TYW1: variants seen among roughly 807,000 people sequenced by gnomAD.
TYW1 encodes the protein tRNA-yW synthesizing protein 1 homolog.
Under a neutral mutation model 96.2 loss-of-function variants are expected in TYW1, and 46 were observed. The ratio of observed to expected loss-of-function variants is 0.48; its 90% CI spans 0.38 to 0.61. The LOEUF (loss-of-function observed/expected upper bound fraction) is 0.61. Ranked by LOEUF, TYW1 falls within the 20% of genes least tolerant of loss-of-function variation. The pLI is 0.00. For synonymous variants in TYW1, 274 were observed against 323.0 expected (o/e 0.85, Z 1.63); for missense variants, 684 against 909.6 (o/e 0.75, Z 3.19).
In TYW1 at chr7:66,998,060, T is replaced by C; in HGVS notation, c.5-5T>C. On this transcript the variant is annotated splice_polypyrimidine_tract_variant and splice_region_variant and intron_variant, in intron 1 of 15. Transcript: ENST00000359626. ...ATGAAATTGTGTGTGTCATTTTAAA[T>C]TTAGATCCTTCTGCGGATACATGGG... 1 of 1,580,822 alleles carries C rather than the reference T, an allele frequency of 6.3e-7. No homozygotes were observed. Among genetic ancestry groups the C allele is most frequent in the Non-Finnish European group, 8.6e-7 (1 of 1,169,444 alleles).
At chr7:67,192,131 A>C (rs1390127301) in intron 14 of TYW1, among the ~76,000 whole-genome samples, 1 of 152,002 alleles carries the variant, frequency 6.6e-6, no homozygotes, top group African/African-American at 2.4e-5. Context: ...CCTGACCTCA[A>C]GTGATCTGCC....
chr7:67,226,535 G>A (rs578118068), intron 15 of TYW1, among the ~76,000 whole-genome samples: 2 of 152,202 alleles, frequency 1.3e-5, no homozygotes, highest in Admixed American at 1.3e-4. Context: ...TGTCATCTCT[G>A]ACCAATCAGC....
At chr7:67,091,474 T>C (rs1334532137) in intron 11 of TYW1, among the ~76,000 whole-genome samples, 6 of 151,758 alleles carry the variant, frequency 4.0e-5, no homozygotes, top group African/African-American at 9.7e-5. Flanking sequence ...AATGACGAGT[T>C]AACGGGTACA....
Position 67,014,488 on chromosome 7 carries a change from A to G in TYW1, c.497A>G (p.Lys166Arg). The stretch of plus-strand genomic sequence containing the variant: ...GCATCCATTGATTTTCGATTTGGCA[A>G]AACTTACCTGAAGGGTATGAGATAT... ...EEASIDFRFG[K>R]TYLKGMRYAV... Residue 166 changes from lysine to arginine, a missense_variant, in exon 5 of 16, where the codon AAA becomes AGA. Lys to Arg is a conservative substitution (Grantham distance 26, BLOSUM62 2). Transcript: ENST00000359626. The G allele has an allele frequency of 1.9e-6, 3 of 1,613,946 alleles. No individual in the cohort carries two copies. Among genetic ancestry groups the G allele is most frequent in the Non-Finnish European group, 1.7e-6 (2 of 1,179,852 alleles).
At chr7:67,165,421 T>A in intron 13 of TYW1, among the ~76,000 whole-genome samples, 1 of 151,128 alleles carries the variant, frequency 6.6e-6, no homozygotes, top group African/African-American at 2.4e-5. Flanking sequence ...TTTAAACTTT[T>A]AATTGTGGAT....
chr7:67,117,581 A>G lies in TYW1; in HGVS notation c.1661A>G (p.Gln554Arg). The change falls in exon 13 of 16, where the codon CAG (glutamine) becomes CGG (arginine). Residue 554 changes from glutamine (Q) to arginine (R), a missense_variant. Coordinates refer to ENST00000359626, the MANE Select transcript of TYW1 (RefSeq NM_018264.4). ...CGCCCACTCTTCAAGGATTTCTGGCAGAGATTCCTTGACAGTTTAAAAGCC... is the reference window on the plus strand; with the variant it reads ...CGCCCACTCTTCAAGGATTTCTGGCGGAGATTCCTTGACAGTTTAAAAGCC... ...IDRPLFKDFWQRFLDSLKALA... is the reference protein window; with the variant it reads ...IDRPLFKDFWRRFLDSLKALA... 1 of 1,614,066 alleles carries G rather than the reference A, an allele frequency of 6.2e-7. No homozygotes were observed. Among genetic ancestry groups the G allele is most frequent in the East Asian group, 2.2e-5 (1 of 44,874 alleles).
At chr7:67,052,248 AC>A in intron 8 of TYW1, among the ~76,000 whole-genome samples, 1 of 152,014 alleles carries the variant, frequency 6.6e-6, no homozygotes, top group South Asian at 2.1e-4. Flanking sequence ...TCTCCTCCCC[AC>A]CCACCCACTT....
chr7:67,184,633 TTTTATTTTATTTTATTTATGTTATG>T (rs1409788423), intron 14 of TYW1, among the ~76,000 whole-genome samples: 1,685 of 78,398 alleles, frequency 0.021, 25 homozygotes, highest in Middle Eastern at 0.032. Context: ...TTTTATTTTA[TTTTATTTTATTTTATTTATGTTATG>T]TTATGTTATG....
chr7:67,081,900 T>A (rs1168800912), intron 10 of TYW1, among the ~76,000 whole-genome samples: 1 of 147,056 alleles, frequency 6.8e-6, no homozygotes, highest in Non-Finnish European at 1.5e-5. Flanking sequence ...TGATCTAGTA[T>A]GTTGTTGAAA....
chr7:67,062,847 T>C (rs1362129495), intron 9 of TYW1, among the ~76,000 whole-genome samples: 2 of 152,222 alleles, frequency 1.3e-5, no homozygotes, highest in African/African-American at 4.8e-5. Flanking sequence ...TCAATGGTTT[T>C]CCTGAAGAAT....
intron 11 of TYW1, chr7:67,089,507 G>T (rs1383790218): frequency 3.5e-6 from 3 of 862,384 alleles, no homozygotes; most frequent in African/African-American, 1.7e-5. Flanking sequence ...GGCTTGGAGA[G>T]TCCTTTGCTT....
At chr7:67,064,263 A>C (rs1025317765) in intron 9 of TYW1, among the ~76,000 whole-genome samples, 8 of 152,220 alleles carry the variant, frequency 5.3e-5, no homozygotes, top group Admixed American at 2.6e-4. Context: ...GAAGACAGAA[A>C]TGGGAAGAAT....
intron 7 of TYW1, among the ~76,000 whole-genome samples, chr7:67,047,843 A>G (rs1331509083): frequency 7.5e-6 from 1 of 133,810 alleles, no homozygotes; most frequent in African/African-American, 2.8e-5. Context: ...GCTGGAGTGC[A>G]GTGGCACAGT....
chr7:67,154,738 G>A (rs1798911807), intron 13 of TYW1, among the ~76,000 whole-genome samples: 1 of 152,086 alleles, frequency 6.6e-6, no homozygotes, highest in Non-Finnish European at 1.5e-5. Context: ...AAGACTTGGA[G>A]AAATTTTAAA....
At chr7:67,105,120 C>A (rs1453583825) in intron 12 of TYW1, among the ~76,000 whole-genome samples, 1 of 152,250 alleles carries the variant, frequency 6.6e-6, no homozygotes, top group Non-Finnish European at 1.5e-5. Flanking sequence ...TCTTTCAAGC[C>A]TTTGCTTGTA....
chr7:67,153,425 C>T (rs1221170624), intron 13 of TYW1, among the ~76,000 whole-genome samples: 1 of 152,124 alleles, frequency 6.6e-6, no homozygotes, highest in African/African-American at 2.4e-5. Flanking sequence ...CACTGCACTC[C>T]AGCCTGGGTG....
At chr7:67,151,473 C>T (rs1280763148) in intron 13 of TYW1, among the ~76,000 whole-genome samples, 1 of 152,112 alleles carries the variant, frequency 6.6e-6, no homozygotes, top group African/African-American at 2.4e-5. Context: ...ATCCCTTTCT[C>T]TCTTACCAAT....
At chr7:67,228,092 T>C (rs2116437892) in intron 15 of TYW1, among the ~76,000 whole-genome samples, 1 of 152,308 alleles carries the variant, frequency 6.6e-6, no homozygotes, top group South Asian at 2.1e-4. Flanking sequence ...TCTGGGGTGA[T>C]TGTGACGGCT....
chr7:67,215,743 C>A (rs1801180130), intron 15 of TYW1, among the ~76,000 whole-genome samples: 1 of 152,058 alleles, frequency 6.6e-6, no homozygotes, highest in Non-Finnish European at 1.5e-5. Context: ...GCAAGGAGAG[C>A]CAGTATGAGT....
Sources: allele counts gnomAD v4.1 joint callset (sites outside exome capture counted in the v4.1 genomes callset), GRCh38; gene constraint gnomAD v4.1.1; transcripts MANE v1.5; gene names NCBI Gene and HGNC (gene_info 2026-07-23, HGNC 2026-07-21).